Variants in PSMA7 observed in about 807,000 individuals in gnomAD.
PSMA7 encodes the protein proteasome subunit alpha type-7.
In PSMA7, 5 loss-of-function variants were observed where a neutral mutation model predicts 31.3. The observed-to-expected ratio is 0.16, with a 90% confidence interval of 0.08 to 0.34. PSMA7 has a LOEUF of 0.34. PSMA7 is among the 10% of genes least tolerant of loss of function. PSMA7 has a pLI of 1.00. For missense variants in PSMA7, 217 were observed against 327.5 expected (o/e 0.66, Z 2.60); for synonymous variants, 155 against 121.9 (o/e 1.27, Z -1.79).
At chr20:62,140,085 T>C (rs781419597) in intron 2 of PSMA7, among the ~76,000 whole-genome samples, 180 bp from the exon 3 acceptor site, 1 of 152,206 alleles carries the variant, frequency 6.6e-6, no homozygotes, top group Non-Finnish European at 1.5e-5. Flanking sequence ...TGGGTACAGA[T>C]GCTTCTTGAT....
intron 1 of PSMA7, chr20:62,142,512 T>A (rs1402056126): frequency 6.6e-6 from 1 of 152,226 alleles, no homozygotes; most frequent in East Asian, 1.9e-4. Flanking sequence ...CGAATTTAAG[T>A]TTCAAACAAT....
chr20:62,140,685 C>T, intron 2 of PSMA7, 133 bp downstream of exon 2: 1 of 1,200,874 alleles, frequency 8.3e-7, no homozygotes, highest in Non-Finnish European at 1.1e-6. Flanking sequence ...AGTCCAAATC[C>T]AATTCTTTTA....
chr20:62,141,123 G>T (rs2056925025), intron 1 of PSMA7, among the ~76,000 whole-genome samples, 179 bp from the exon 2 acceptor site: 1 of 152,200 alleles, frequency 6.6e-6, no homozygotes, highest in African/African-American at 2.4e-5. Flanking sequence ...ACAAAAATTA[G>T]CCAGGTGTGG....
intron 1 of PSMA7, among the ~76,000 whole-genome samples, chr20:62,141,234 A>G (rs865969515): frequency 8.5e-5 from 13 of 152,190 alleles, no homozygotes; most frequent in African/African-American, 2.9e-4. Flanking sequence ...TGGGAGACAG[A>G]GACAGCAAGA....
chr20:62,141,024 C>T, intron 1 of PSMA7, 80 bp from the exon 2 acceptor site: 3 of 1,548,742 alleles, frequency 1.9e-6, no homozygotes, highest in Non-Finnish European at 2.6e-6. Context: ...AATTCCAGCA[C>T]TTTGGGAGGC....
chr20:62,136,747 G>A lies in PSMA7; in HGVS notation c.*110C>T. 2 of 1,421,508 alleles carry A rather than the reference G, an allele frequency of 1.4e-6. No individual in the cohort carries two copies. Among genetic ancestry groups the A allele is most frequent in the Non-Finnish European group, 1.9e-6 (2 of 1,073,300 alleles). The allele number at this position is 1,421,508 out of a possible 1,614,324, so 88.1% of individuals were successfully genotyped here. The stretch of plus-strand genomic sequence containing the variant: ...AAAAAAACAGGTTAAAAATACGGAA[G>A]TTTATTGTAGGACACTCAGTGTGAA... On this transcript the variant is annotated 3_prime_UTR_variant, in exon 7 of 7. Transcript: ENST00000370873.
intron 2 of PSMA7, 27 bp downstream of exon 2, chr20:62,140,791 A>G (rs748964436): frequency 1.2e-6 from 2 of 1,613,246 alleles, no homozygotes; most frequent in South Asian, 2.2e-5. Flanking sequence ...TCTAGAGAGT[A>G]AGACAGCGCT....
At chr20:62,142,644 T>C (rs1189726) in intron 1 of PSMA7, 130,285 of 152,372 alleles carry the variant, frequency 0.86, 55,687 homozygotes, top group Admixed American at 0.87. Context: ...TGCGGAGACC[T>C]GGGAGGCGCC....
chr20:62,139,640 C>T (rs909675563), intron 3 of PSMA7, 141 bp downstream of exon 3: 2 of 1,404,904 alleles, frequency 1.4e-6, no homozygotes, highest in South Asian at 2.4e-5. Context: ...TCAAGTTACA[C>T]TTGTGCAAGT....
In PSMA7 at chr20:62,136,902, T is replaced by G; in HGVS notation, c.702A>C (p.Lys234Asn). ...TCTTCTTTTCGTTTTCTTCTTTTTC[T>G]TTTTCAATTTCAGCAACATACTTCT... is the stretch of plus-strand genomic sequence containing the variant. ...EIEKYVAEIE[K>N]EKEENEKKKQ... The change falls in exon 7 of 7, where the codon AAA (lysine) becomes AAC (asparagine). Residue 234 changes from lysine to asparagine, a missense_variant. Coordinates refer to ENST00000370873, the MANE Select transcript of PSMA7 (RefSeq NM_002792.4). 1 of 1,600,676 alleles carries G rather than the reference T, an allele frequency of 6.2e-7. No homozygotes were observed. The highest frequency in any genetic ancestry group is 8.5e-7 in the Non-Finnish European group (1 of 1,175,510).
At chr20:62,137,689 A>G (rs569839109) in intron 5 of PSMA7, among the ~76,000 whole-genome samples, 1 of 152,236 alleles carries the variant, frequency 6.6e-6, no homozygotes, top group East Asian at 1.9e-4. Flanking sequence ...TCCTCTTGAC[A>G]CAGTGGTTAC....
chr20:62,139,467 G>T, intron 3 of PSMA7: 1 of 639,180 alleles, frequency 1.6e-6, no homozygotes. Flanking sequence ...CATACTAATG[G>T]CGTGTCCTCA....
In PSMA7 at chr20:62,139,214, C is replaced by G. The variant is rs778671558; in HGVS notation, c.349-17G>C. The G allele has an allele frequency of 1.0e-5, 16 of 1,607,524 alleles. No individual in the cohort carries two copies. The South Asian group carries it at 1.8e-4, about 18-fold the overall frequency. ...CGTATAACGCTAGCAAGAAAAGAAA[C>G]AGGTCAGTGCCATCCAATTAAGAAA... is the stretch of plus-strand genomic sequence containing the variant. On this transcript the variant is annotated splice_polypyrimidine_tract_variant and intron_variant, in intron 3 of 6. Coordinates refer to ENST00000370873, the MANE Select transcript of PSMA7 (RefSeq NM_002792.4).
chr20:62,143,297 A>T lies in PSMA7; in HGVS notation c.7T>A (p.Tyr3Asn). Residue 3 changes from tyrosine to asparagine, a missense_variant, in exon 1 of 7, where the codon TAC becomes AAC. Coordinates refer to ENST00000370873, the MANE Select transcript of PSMA7 (RefSeq NM_002792.4). MS[Y>N]DRAITVFSPD... ...GAGAAGACGGTGATGGCGCGGTCGT[A>T]GCTCATGCCGGCGGGCGGCGGCCGG... is the stretch of plus-strand genomic sequence containing the variant. 7.0e-7 allele frequency: 1 copy of T among 1,428,170 alleles called. No homozygotes were observed. Among genetic ancestry groups the T allele is most frequent in the Non-Finnish European group, 9.3e-7 (1 of 1,076,070 alleles). The allele number at this position is 1,428,170 out of a possible 1,614,324, so 88.5% of individuals were successfully genotyped here.
intron 4 of PSMA7, among the ~76,000 whole-genome samples, chr20:62,138,550 AT>A (rs59188263): frequency 0.22 from 27,549 of 126,178 alleles, 3,601 homozygotes; most frequent in East Asian, 0.46. Context: ...GCAATGGGAG[AT>A]TTTTTTTTTT....
chr20:62,138,954 T>C, intron 4 of PSMA7, 121 bp downstream of exon 4: 1 of 1,297,760 alleles, frequency 7.7e-7, no homozygotes, highest in Non-Finnish European at 1.1e-6. Flanking sequence ...CTCATAGGAC[T>C]AGGTTAACTT....
chr20:62,138,341 G>A, intron 4 of PSMA7, 51 bp from the exon 5 acceptor site: 4 of 1,544,200 alleles, frequency 2.6e-6, no homozygotes, highest in Non-Finnish European at 3.5e-6. Flanking sequence ...ACAACCCAGG[G>A]CCAGCCCTGG....
chr20:62,140,368 T>G (rs2056920231), intron 2 of PSMA7, among the ~76,000 whole-genome samples: 1 of 152,202 alleles, frequency 6.6e-6, no homozygotes, highest in African/African-American at 2.4e-5. Context: ...CTTCCTAGAT[T>G]GCATCTGCTG....
chr20:62,140,825 G>A lies in PSMA7; in HGVS notation c.216C>T (p.Ala72=), dbSNP rs775317444. 1.2e-5 allele frequency: 20 copies of A among 1,614,156 alleles called. 2 individuals are homozygous for A. The South Asian group carries it at 2.1e-4, about 17-fold the overall frequency. The change falls in exon 2 of 7, where the codon GCC becomes GCT. Residue 72 remains alanine (A), a synonymous_variant. Transcript: ENST00000370873. ...ICALDDNVCM[A]FAGLTADARI... ...CTCCCCACCGACTCATACCTGCAAA[G>A]GCCATGCAGACGTTGTCATCCAAAG...
Sources: gnomAD v4.1 joint callset for allele counts (sites outside exome capture counted in the v4.1 genomes callset) on GRCh38, gnomAD v4.1.1 for gene constraint, MANE v1.5 for transcripts, NCBI Gene and HGNC (gene_info 2026-07-23, HGNC 2026-07-21) for gene names.